The following TAF4 variants were observed in gnomAD, a reference collection of about 807,000 sequenced individuals.
TAF4 encodes the protein transcription initiation factor TFIID subunit 4.
Under a neutral mutation model 90.3 loss-of-function variants are expected in TAF4, and 9 were observed. The observed-to-expected ratio is 0.10, with a 90% CI of 0.06 to 0.17. The LOEUF (loss-of-function observed/expected upper bound fraction) is 0.17, where lower values mean the gene tolerates loss of function less well. Among genes scored for constraint, TAF4 ranks in the 10% least tolerant of loss-of-function variants. The pLI, the probability that TAF4 is intolerant of heterozygous loss-of-function variation, is 1.00. For synonymous variants in TAF4, 818 were observed against 638.9 expected (o/e 1.28, Z -4.23); for missense variants, 1,351 against 1,370.7 (o/e 0.99, Z 0.23).
intron 1 of TAF4, among the ~76,000 whole-genome samples, chr20:62,048,472 C>CAA: frequency 6.6e-6 from 1 of 152,192 alleles, no homozygotes; most frequent in Middle Eastern, 3.4e-3. Flanking sequence ...CCTCCTGTCC[C>CAA]CAGGGTGGAC....
chr20:62,018,404 A>G (rs1215026885), intron 1 of TAF4, among the ~76,000 whole-genome samples: 1 of 152,222 alleles, frequency 6.6e-6, no homozygotes, highest in Non-Finnish European at 1.5e-5. Flanking sequence ...GCATCTATTC[A>G]CGCCAAGGCA....
intron 14 of TAF4, among the ~76,000 whole-genome samples, chr20:61,983,904 A>C (rs1258789320): frequency 6.6e-6 from 1 of 152,212 alleles, no homozygotes; most frequent in Non-Finnish European, 1.5e-5. Flanking sequence ...AAAGACACCC[A>C]GGGTGACGGT....
At chr20:62,038,753 G>A (rs2055947788) in intron 1 of TAF4, among the ~76,000 whole-genome samples, 1 of 152,086 alleles carries the variant, frequency 6.6e-6, no homozygotes, top group African/African-American at 2.4e-5. Flanking sequence ...ACAATCCCAA[G>A]CAAGATATCA....
intron 1 of TAF4, among the ~76,000 whole-genome samples, chr20:62,032,440 G>A (rs533852395): frequency 6.6e-6 from 1 of 152,350 alleles, no homozygotes; most frequent in African/African-American, 2.4e-5. Context: ...CTGGGGAAGG[G>A]AGACCAATCT....
chr20:61,982,856 C>G (rs564418388), intron 14 of TAF4, among the ~76,000 whole-genome samples: 197 of 152,362 alleles, frequency 1.3e-3, no homozygotes, highest in African/African-American at 4.4e-3. Flanking sequence ...GGGAAGGAAT[C>G]AGCCTCCATG....
At chr20:62,047,524 C>A (rs184590170) in intron 1 of TAF4, among the ~76,000 whole-genome samples, 1 of 152,308 alleles carries the variant, frequency 6.6e-6, no homozygotes, top group East Asian at 1.9e-4. Flanking sequence ...ACCCTCCCCA[C>A]CCCCGCACAA....
At chr20:62,035,459 G>C (rs1274324531) in intron 1 of TAF4, among the ~76,000 whole-genome samples, 3 of 152,206 alleles carry the variant, frequency 2.0e-5, no homozygotes, top group Admixed American at 6.5e-5. Flanking sequence ...CCACAGAGGT[G>C]AGGAAGGACC....
chr20:62,025,951 G>A (rs575090273), intron 1 of TAF4, among the ~76,000 whole-genome samples: 3 of 152,222 alleles, frequency 2.0e-5, no homozygotes, highest in South Asian at 2.1e-4. Context: ...CACATTTGTC[G>A]AAACTCACCA....
chr20:62,045,242 C>G (rs2145506673), intron 1 of TAF4, among the ~76,000 whole-genome samples: 1 of 152,346 alleles, frequency 6.6e-6, no homozygotes, highest in South Asian at 2.1e-4. Flanking sequence ...CGTCCCGCAC[C>G]TCCTGGCCCA....
At chr20:62,053,510 G>C (rs1342993651) in intron 1 of TAF4, among the ~76,000 whole-genome samples, 1 of 152,220 alleles carries the variant, frequency 6.6e-6, no homozygotes, top group Non-Finnish European at 1.5e-5. Flanking sequence ...AGGTACTCTG[G>C]AGAAGGGAGC....
At chr20:61,997,504 T>A in intron 14 of TAF4, 46 bp downstream of exon 14, 1 of 1,505,704 alleles carries the variant, frequency 6.6e-7, no homozygotes, top group Non-Finnish European at 8.9e-7. Context: ...CTCTAAGATG[T>A]TCCCCATGTT....
rs1332247028 is a variant in TAF4, at chr20:62,043,806, C to T, written c.1360+20645G>A. ...TCCAGGTTTGTGTTAGTATATTCCACGATGCTCGCACAACGATGACATTGC... is the reference window on the plus strand; with the variant it reads ...TCCAGGTTTGTGTTAGTATATTCCATGATGCTCGCACAACGATGACATTGC... On this transcript the variant is annotated intron_variant, in intron 1 of 14. Coordinates refer to ENST00000252996, the MANE Select transcript of TAF4 (RefSeq NM_003185.4). Among the ~76,000 whole-genome samples, 7 of 152,346 alleles carry T rather than the reference C, an allele frequency of 4.6e-5. No individual in the cohort carries two copies. The East Asian group carries it at 1.3e-3, about 29-fold the overall frequency.
At chr20:62,004,328 C>CTT (rs60437230) in intron 7 of TAF4, among the ~76,000 whole-genome samples, 3,416 of 117,078 alleles carry the variant, frequency 0.029, 137 homozygotes, top group Non-Finnish European at 0.046. Context: ...CTTTTCTTTT[C>CTT]TTTTTTTTTT....
intron 10 of TAF4, 84 bp downstream of exon 10, chr20:62,000,468 G>T: frequency 2.0e-6 from 3 of 1,467,516 alleles, no homozygotes; most frequent in Non-Finnish European, 2.8e-6. Flanking sequence ...CACATGACCA[G>T]GTGTCAGGTG....
chr20:61,996,510 G>C (rs1430147025), intron 14 of TAF4, among the ~76,000 whole-genome samples: 3 of 152,162 alleles, frequency 2.0e-5, no homozygotes, highest in Non-Finnish European at 4.4e-5. Context: ...CTCTGAAAAT[G>C]AGGGTGAAGG....
chr20:62,009,643 G>A (rs535252054), intron 4 of TAF4, among the ~76,000 whole-genome samples: 8 of 152,314 alleles, frequency 5.3e-5, no homozygotes, highest in Admixed American at 2.0e-4. Flanking sequence ...GTGTACAAAC[G>A]GGTGGCGCTG....
At chr20:62,039,319 A>G (rs2055951111) in intron 1 of TAF4, among the ~76,000 whole-genome samples, 1 of 152,190 alleles carries the variant, frequency 6.6e-6, no homozygotes, top group African/African-American at 2.4e-5. Context: ...GAGTTTCAAT[A>G]AAGGCAGCAG....
intron 1 of TAF4, among the ~76,000 whole-genome samples, chr20:62,018,160 G>A (rs930904943): frequency 1.3e-5 from 2 of 152,186 alleles, no homozygotes; most frequent in African/African-American, 2.4e-5. Context: ...CTCCTAAGCC[G>A]AACTGAGGTT....
At chr20:62,042,922 G>A (rs139863628) in intron 1 of TAF4, among the ~76,000 whole-genome samples, 197 of 152,310 alleles carry the variant, frequency 1.3e-3, no homozygotes, top group African/African-American at 4.5e-3. Context: ...ACTTGGAGGT[G>A]GAGGGCAGTG....
Sources: gnomAD v4.1 joint callset for allele counts (sites outside exome capture counted in the v4.1 genomes callset) on GRCh38, gnomAD v4.1.1 for gene constraint, MANE v1.5 for transcripts, NCBI Gene and HGNC (gene_info 2026-07-23, HGNC 2026-07-21) for gene names.